Variants in NBEAL1 observed in about 807,000 individuals in gnomAD.
The protein encoded by NBEAL1 is neurobeachin like 1, also known as neurobeachin-like protein 1.
Under a neutral mutation model 351.3 loss-of-function variants are expected in NBEAL1, and 273 were observed. That is an observed-to-expected ratio of 0.78 (90% CI 0.70 to 0.86). NBEAL1 has a LOEUF of 0.86. Ranked by LOEUF, NBEAL1 falls within the 40% of genes least tolerant of loss-of-function variation. NBEAL1 has a pLI of 0.00. For synonymous variants in NBEAL1, 1,050 were observed against 1,086.4 expected (o/e 0.97, Z 0.66); for missense variants, 2,961 against 3,201.3 (o/e 0.92, Z 1.81).
chr2:203,040,031 G>T, intron 2 of NBEAL1: 1 of 605,088 alleles, frequency 1.7e-6, no homozygotes, highest in Non-Finnish European at 2.9e-6. Context: ...AGTAAAAATA[G>T]GCCTCATTGA....
rs1334738103 is a variant in NBEAL1 at position 203,014,930 on chromosome 2, C to A, written c.-282C>A. 1 of 152,210 alleles carries A rather than the reference C, an allele frequency of 6.6e-6. No homozygotes were observed. The allele number at this position is 152,210 out of a possible 1,614,324, so 9.4% of individuals were successfully genotyped here. On this transcript the variant is annotated 5_prime_UTR_variant, in exon 1 of 56. Coordinates refer to ENST00000683969, the MANE Select transcript of NBEAL1 (RefSeq NM_001378026.1). ...ACGGGGCTTCGCCTTGGGAAGGGGTCGAGGGAAGCAGTTAGACGGCTGCCG... is the reference window on the plus strand; with the variant it reads ...ACGGGGCTTCGCCTTGGGAAGGGGTAGAGGGAAGCAGTTAGACGGCTGCCG...
At chr2:203,159,337 A>C (rs1412141374) in intron 36 of NBEAL1, among the ~76,000 whole-genome samples, 1 of 152,030 alleles carries the variant, frequency 6.6e-6, no homozygotes, top group Non-Finnish European at 1.5e-5. Flanking sequence ...TGTCACCCCA[A>C]AAGGAAATCT....
intron 18 of NBEAL1, among the ~76,000 whole-genome samples, chr2:203,119,423 G>GTTTTT (rs1559379701): frequency 9.3e-5 from 2 of 21,432 alleles, no homozygotes; most frequent in African/African-American, 1.9e-4. Context: ...ACGGCCTGTT[G>GTTTTT]CTTTTTTTTT....
intron 36 of NBEAL1, among the ~76,000 whole-genome samples, chr2:203,160,459 C>T (rs2063919489): frequency 6.6e-6 from 1 of 151,932 alleles, no homozygotes; most frequent in South Asian, 2.1e-4. Context: ...GCTGTAATTC[C>T]CTTTAATTCT....
chr2:203,034,159 CT>C (rs1166429847), intron 2 of NBEAL1, among the ~76,000 whole-genome samples: 3,241 of 134,962 alleles, frequency 0.024, 93 homozygotes, highest in African/African-American at 0.08. Context: ...TTGGCCTGTA[CT>C]TTTTTTTTTT....
chr2:203,079,745 G>A (rs1012153110), intron 8 of NBEAL1, among the ~76,000 whole-genome samples: 1 of 152,052 alleles, frequency 6.6e-6, no homozygotes. Context: ...ACAAAATTAT[G>A]CCAATAATAC....
At chr2:203,097,980 T>C (rs1478278943) in intron 11 of NBEAL1, among the ~76,000 whole-genome samples, 1 of 152,168 alleles carries the variant, frequency 6.6e-6, no homozygotes, top group Non-Finnish European at 1.5e-5. Flanking sequence ...CTTAGGGCTT[T>C]CTTTGTGAAT....
rs1321638531 is a variant in NBEAL1, at chr2:203,099,719, CAT to C, written c.1269+12_1269+13del. 1.3e-6 allele frequency: 2 copies of C among 1,495,220 alleles called. No homozygotes were observed. Among genetic ancestry groups the C allele is most frequent in the South Asian group, 1.3e-5 (1 of 77,598 alleles). 92.6% of individuals were successfully genotyped at this position (1,495,220 alleles called of 1,614,324 possible). On this transcript the variant is annotated splice_region_variant and intron_variant, in intron 12 of 55. Transcript: ENST00000683969. ...CAAATCTCCAGCTGCTAAGGTGAAA[CAT>C]ATATCCTCCAGCTTTTTTTTTTTTC...
intron 43 of NBEAL1, chr2:203,182,222 C>A (rs376673199): frequency 6.6e-6 from 1 of 152,172 alleles, no homozygotes; most frequent in Non-Finnish European, 1.5e-5. Context: ...GCATCATCAG[C>A]GCCAACTTTT....
At chr2:203,199,792 C>CAAAGATAAAGATAAAGA (rs1338553455) in intron 49 of NBEAL1, among the ~76,000 whole-genome samples, 83 of 152,146 alleles carry the variant, frequency 5.5e-4, no homozygotes, top group African/African-American at 2.0e-3. Context: ...TTTTGAGATC[C>CAAAGATAAAGATAAAGA]AGATTATCTC....
chr2:203,161,628 C>CAAATAAATAAAT (rs71928655), intron 36 of NBEAL1, among the ~76,000 whole-genome samples: 3 of 137,132 alleles, frequency 2.2e-5, no homozygotes, highest in Non-Finnish European at 4.6e-5. Context: ...GACTCCGTCT[C>CAAATAAATAAAT]AAATAAATAA....
Position 203,208,737 on chromosome 2 carries a change from C to T in NBEAL1, c.7607C>T (p.Ala2536Val), listed in dbSNP as rs556011813. Residue 2536 changes from alanine to valine, a missense_variant, in exon 52 of 56, where the codon GCA becomes GTA. By Grantham distance (64) the Ala-to-Val change is moderately conservative (BLOSUM62 0). Transcript: ENST00000683969. ...GGCATCAGCACTGAGCTAGACATGG[C>T]AGTGTCAGGATCAAGGGTAAGATTT... ...SVGISTELDM[A>V]VSGSRDGTVI... The T allele has an allele frequency of 6.3e-6, 10 of 1,595,854 alleles. No individual in the cohort carries two copies. In the African/African-American group the frequency reaches 1.1e-4, roughly 17 times the overall value.
chr2:203,111,877 T>C, intron 15 of NBEAL1, 102 bp from the exon 16 acceptor site: 1 of 1,284,720 alleles, frequency 7.8e-7, no homozygotes, highest in South Asian at 1.4e-5. Context: ...AATCTTAACG[T>C]TCTACTATTT....
At chr2:203,040,318 C>A in intron 2 of NBEAL1, 1 of 738,710 alleles carries the variant, frequency 1.4e-6, no homozygotes, top group South Asian at 1.5e-5. Context: ...GCATCTCAGA[C>A]GACTAGAAAT....
chr2:203,153,352 G>C (rs1388787063), intron 35 of NBEAL1, among the ~76,000 whole-genome samples: 1 of 149,374 alleles, frequency 6.7e-6, no homozygotes, highest in African/African-American at 2.5e-5. Flanking sequence ...ATATTGCCAG[G>C]CTGGTCTTGA....
At position 203,077,810 on chromosome 2, in the gene NBEAL1, CT is replaced by C; in HGVS notation, c.660del (p.Phe220LeufsTer5). 6.8e-7 allele frequency: 1 copy of C among 1,467,900 alleles called. No homozygotes were observed. Among genetic ancestry groups the C allele is most frequent in the Non-Finnish European group, 9.1e-7 (1 of 1,104,756 alleles). The allele number at this position is 1,467,900 out of a possible 1,614,324, so 90.9% of individuals were successfully genotyped here. On this transcript the variant is annotated frameshift_variant, in exon 8 of 56. Transcript: ENST00000683969. LOFTEE classifies it high-confidence loss of function. ...GTCTTAAATGTTGCTTATTGCATCT[CT>C]TTGGAGCCATTGTAGCCGGTGGGCA... ...ESLKCCLLHL[F>X]GAIVAGGQRN...
At chr2:203,063,046 CTATT>C (rs2061525252) in intron 6 of NBEAL1, among the ~76,000 whole-genome samples, 1 of 152,176 alleles carries the variant, frequency 6.6e-6, no homozygotes, top group African/African-American at 2.4e-5. Context: ...CCATGTAAAA[CTATT>C]TCTTTTCTTA....
intron 35 of NBEAL1, among the ~76,000 whole-genome samples, chr2:203,157,177 A>G (rs1183989544): frequency 6.6e-6 from 1 of 152,182 alleles, no homozygotes; most frequent in East Asian, 1.9e-4. Flanking sequence ...TTTAGTTTAT[A>G]AAATACATTA....
intron 2 of NBEAL1, among the ~76,000 whole-genome samples, chr2:203,030,686 C>A (rs1304893601): frequency 1.3e-5 from 2 of 152,102 alleles, no homozygotes; most frequent in East Asian, 3.8e-4. Context: ...AGACAGTAAA[C>A]ATGGATCTAG....
Sources: allele counts gnomAD v4.1 joint callset (sites outside exome capture counted in the v4.1 genomes callset), GRCh38; gene constraint gnomAD v4.1.1; transcripts MANE v1.5; gene names NCBI Gene and HGNC (gene_info 2026-07-23, HGNC 2026-07-21).